BID: variants seen among roughly 807,000 people sequenced by gnomAD.
BID encodes the protein BH3-interacting domain death agonist.
BID carries 19 observed loss-of-function variants against 17.4 expected under a neutral mutation model. That is an observed-to-expected ratio of 1.09 (90% CI 0.76 to 1.60). The LOEUF (loss-of-function observed/expected upper bound fraction) is 1.60. Among genes scored for constraint, BID ranks in the 40% most tolerant of loss-of-function variants. The probability of loss-of-function intolerance (pLI) is 0.00; values close to 1 mark genes in which losing one functional copy is unlikely to be tolerated. For missense variants in BID, 226 were observed against 256.0 expected (o/e 0.88, Z 0.80); for synonymous variants, 108 against 102.8 (o/e 1.05, Z -0.31).
chr22:17,766,835 C>T (rs1268836313), intron 1 of BID, among the ~76,000 whole-genome samples: 1 of 151,956 alleles, frequency 6.6e-6, no homozygotes, highest in Non-Finnish European at 1.5e-5. Flanking sequence ...CGTGATCTGC[C>T]TGCCTCAGCC....
intron 1 of BID, among the ~76,000 whole-genome samples, chr22:17,752,153 G>T (rs771320357): frequency 6.6e-6 from 1 of 152,166 alleles, no homozygotes; most frequent in Non-Finnish European, 1.5e-5. Flanking sequence ...ACACGCCCAT[G>T]TCACAAGCAA....
At position 17,773,619 on chromosome 22, in the gene BID, A is replaced by C. The variant is rs1221723390; in HGVS notation, c.-59+762T>G. 6.2e-7 allele frequency: 1 copy of C among 1,612,396 alleles called. No homozygotes were observed. Among genetic ancestry groups the C allele is most frequent in the Admixed American group, 1.7e-5 (1 of 60,008 alleles). The stretch of plus-strand genomic sequence containing the variant: ...CCCCCAGCCCACTTACAGAATCCGC[A>C]CTGTGCTCCTCCAGCCGGCCCGGCC... On this transcript the variant is annotated intron_variant, in intron 1 of 5. Coordinates refer to ENST00000622694, the MANE Select transcript of BID (RefSeq NM_001196.4). This position sits in a 1 kb window ranked among gnomAD's most constrained non-coding sequence, Gnocchi z 4.4.
intron 1 of BID, 21 bp from the exon 2 acceptor site, chr22:17,750,195 T>G: frequency 6.2e-7 from 1 of 1,602,660 alleles, no homozygotes; most frequent in East Asian, 2.3e-5. Context: ...ACACACAGAG[T>G]GGGCGGCCGC....
intron 1 of BID, chr22:17,774,013 TCTC>T: frequency 2.3e-6 from 1 of 442,882 alleles, no homozygotes; most frequent in Non-Finnish European, 4.1e-6. Context: ...CCGCGGGTTT[TCTC>T]CTCTCCGGGG....
intron 1 of BID, among the ~76,000 whole-genome samples, chr22:17,767,992 G>A (rs1051946890): frequency 6.6e-6 from 1 of 152,218 alleles, no homozygotes; most frequent in Non-Finnish European, 1.5e-5. Context: ...CAGTTAACAT[G>A]AGTTGAAAAT....
Position 17,750,236 on chromosome 22 carries a change from G to A in BID, c.-58-62C>T. The A allele has an allele frequency of 4.3e-6, 6 of 1,408,660 alleles. No individual in the cohort carries two copies. In the South Asian group the frequency reaches 4.9e-5, roughly 11 times the overall value. 87.3% of individuals were successfully genotyped at this position (1,408,660 alleles called of 1,614,324 possible). A position where few individuals can be genotyped will look rare whatever the true frequency, so the allele number is the denominator to read the frequency against. On this transcript the variant is annotated intron_variant, in intron 1 of 5. Coordinates refer to ENST00000622694, the MANE Select transcript of BID (RefSeq NM_001196.4). Reference sequence around the variant, plus strand: ...GGAAGCCCTGGTCAGGACCCCTCGGGAGGACGACGAAGCTGGCCTGTGCTC... The same window carrying A: ...GGAAGCCCTGGTCAGGACCCCTCGGAAGGACGACGAAGCTGGCCTGTGCTC...
Position 17,735,264 on chromosome 22 carries a change from A to AATTTT in BID, c.*311_*315dup. 1 of 288,974 alleles carries AATTTT rather than the reference A, an allele frequency of 3.5e-6. No homozygotes were observed. Among genetic ancestry groups the AATTTT allele is most frequent in the East Asian group, 6.4e-5 (1 of 15,552 alleles). The allele number at this position is 288,974 out of a possible 1,614,324, so 17.9% of individuals were successfully genotyped here. A position where few individuals can be genotyped will look rare whatever the true frequency, so the allele number is the denominator to read the frequency against. ...TTCCTTGAAACCTGCTTTCCAATTT[A>AATTTT]ATTTTTAAGTGGGAACCTGCACAGT... is the stretch of plus-strand genomic sequence containing the variant. On this transcript the variant is annotated 3_prime_UTR_variant, in exon 6 of 6. Coordinates refer to ENST00000622694, the MANE Select transcript of BID (RefSeq NM_001196.4).
rs2061745229 is a variant in BID, at chr22:17,774,406, C to T, written c.-84G>A. The T allele has an allele frequency of 4.0e-6, 1 of 249,888 alleles. No individual in the cohort carries two copies. Among genetic ancestry groups the T allele is most frequent in the South Asian group, 3.5e-5 (1 of 28,806 alleles). 15.5% of individuals were successfully genotyped at this position (249,888 alleles called of 1,614,324 possible). ...CACCCTCCAGCCGCGGGGGCGCGGGCGCGTCCGGGCCGAGGCAGCGTCTCC... is the reference window on the plus strand; with the variant it reads ...CACCCTCCAGCCGCGGGGGCGCGGGTGCGTCCGGGCCGAGGCAGCGTCTCC... On this transcript the variant is annotated 5_prime_UTR_variant, in exon 1 of 6. Transcript: ENST00000622694.
intron 1 of BID, among the ~76,000 whole-genome samples, chr22:17,771,042 C>T (rs1472563451): frequency 2.0e-5 from 3 of 152,252 alleles, no homozygotes; most frequent in Non-Finnish European, 2.9e-5. Flanking sequence ...AGTTACTCTA[C>T]GTACCTAAAA....
chr22:17,741,728 G>T (rs2061461029), intron 3 of BID, among the ~76,000 whole-genome samples: 1 of 151,922 alleles, frequency 6.6e-6, no homozygotes, highest in African/African-American at 2.4e-5. Flanking sequence ...CACCTGCCTT[G>T]GCCTCCCAAA....
chr22:17,753,299 C>T (rs1569045499), intron 1 of BID, among the ~76,000 whole-genome samples: 1 of 152,196 alleles, frequency 6.6e-6, no homozygotes, highest in African/African-American at 2.4e-5. Context: ...AATCCATGAT[C>T]ATATGGGATA....
chr22:17,768,607 C>T (rs2061695445), intron 1 of BID, among the ~76,000 whole-genome samples: 1 of 152,224 alleles, frequency 6.6e-6, no homozygotes, highest in South Asian at 2.1e-4. Context: ...CGCAAGGTGG[C>T]TCACGCCTGT....
intron 1 of BID, among the ~76,000 whole-genome samples, chr22:17,765,075 G>A (rs561933609): frequency 8.2e-4 from 125 of 152,224 alleles, no homozygotes; most frequent in Middle Eastern, 6.8e-3. Context: ...AGAATTTGCC[G>A]AGTCAGTAAG....
chr22:17,753,027 C>G (rs373362575), intron 1 of BID, among the ~76,000 whole-genome samples: 3 of 125,446 alleles, frequency 2.4e-5, no homozygotes, highest in African/African-American at 9.3e-5. Context: ...AGTGCAGTGG[C>G]GCAATCTCGG....
At chr22:17,736,767 A>G (rs2061422811) in intron 5 of BID, among the ~76,000 whole-genome samples, 1 of 151,348 alleles carries the variant, frequency 6.6e-6, no homozygotes, top group Non-Finnish European at 1.5e-5. Context: ...CTCAACCTCC[A>G]TGACGGCGTG....
intron 3 of BID, 118 bp from the exon 4 acceptor site, chr22:17,739,606 C>T (rs2061444238): frequency 5.9e-6 from 8 of 1,350,614 alleles, no homozygotes; most frequent in Non-Finnish European, 6.0e-6. Context: ...GGCCAGCCCC[C>T]ACTGGGCACG....
At chr22:17,737,921 G>A in intron 5 of BID, 96 bp downstream of exon 5, 2 of 1,269,428 alleles carry the variant, frequency 1.6e-6, no homozygotes, top group Non-Finnish European at 2.3e-6. Flanking sequence ...CCCTTGTGCT[G>A]GCATCAGAGG....
chr22:17,765,597 T>A (rs1474043013), intron 1 of BID, among the ~76,000 whole-genome samples: 1 of 152,202 alleles, frequency 6.6e-6, no homozygotes, highest in Non-Finnish European at 1.5e-5. Flanking sequence ...AACAGTAATA[T>A]TAGCTGATTT....
chr22:17,740,109 C>T, intron 3 of BID: 1 of 1,165,474 alleles, frequency 8.6e-7, no homozygotes, highest in South Asian at 1.3e-5. Flanking sequence ...GAAGGCCACG[C>T]TCAACTGCCA....
Sources: gnomAD v4.1 joint callset for allele counts (sites outside exome capture counted in the v4.1 genomes callset) on GRCh38, gnomAD v4.1.1 for gene constraint, Gnocchi (gnomAD v3.1) non-coding constraint, MANE v1.5 for transcripts, NCBI Gene and HGNC (gene_info 2026-07-23, HGNC 2026-07-21) for gene names.